DLC1: variants seen among roughly 807,000 people sequenced by gnomAD.
The protein encoded by DLC1 is rho GTPase-activating protein 7.
In DLC1, 54 loss-of-function variants were observed where a neutral mutation model predicts 140.3. The observed-to-expected ratio is 0.38, with a 90% CI of 0.31 to 0.48. The LOEUF (loss-of-function observed/expected upper bound fraction) is 0.48, where lower values mean the gene tolerates loss of function less well. DLC1 is among the 20% of genes least tolerant of loss of function. The pLI is 0.96. For missense variants in DLC1, 2,536 were observed against 1,907.0 expected (o/e 1.33, Z -6.14); for synonymous variants, 986 against 728.1 (o/e 1.35, Z -5.70).
chr8:13,186,523 A>C (rs1332725086), intron 5 of DLC1, among the ~76,000 whole-genome samples: 1 of 152,036 alleles, frequency 6.6e-6, no homozygotes, highest in Admixed American at 6.6e-5. Context: ...TCTTCTCTAC[A>C]CTGTTTATTC....
chr8:13,597,672 G>T (rs41363347), intron 1 of DLC1, among the ~76,000 whole-genome samples: 10,957 of 152,034 alleles, frequency 0.072, 615 homozygotes, highest in Admixed American at 0.18. Flanking sequence ...GGGAGGCACT[G>T]ACCATAATAA....
chr8:13,343,149 C>G (rs191917544), intron 4 of DLC1, among the ~76,000 whole-genome samples: 110 of 152,280 alleles, frequency 7.2e-4, no homozygotes, highest in Non-Finnish European at 4.0e-4. Context: ...GGCTTGGAAG[C>G]TACAAAGAAA....
rs902004877 is a variant in DLC1 at position 13,576,889 on chromosome 8, C to A, written c.-126+27648G>T. Among the ~76,000 whole-genome samples the A allele has an allele frequency of 1.3e-5, 2 of 152,104 alleles. 1 individual carries two copies. The highest frequency in any genetic ancestry group is 2.9e-5 in the Non-Finnish European group (2 of 68,026). On this transcript the variant is annotated intron_variant, in intron 1 of 1. Coordinates refer to the DLC1 transcript ENST00000631382. ...TGTCCCTTTGAAGGTTAAGGCCAAG[C>A]GTGGCTGTTGAAAATGGCACTGAAC...
intron 4 of DLC1, among the ~76,000 whole-genome samples, chr8:13,312,635 T>G (rs2117556413): frequency 6.6e-6 from 1 of 152,040 alleles, no homozygotes; most frequent in East Asian, 1.9e-4. Flanking sequence ...ACATTGCTAA[T>G]AGAAAAAATG....
intron 5 of DLC1, among the ~76,000 whole-genome samples, chr8:13,221,224 C>T (rs1290923185): frequency 6.6e-6 from 1 of 152,142 alleles, no homozygotes; most frequent in Non-Finnish European, 1.5e-5. Context: ...TTAGACACCA[C>T]TGACCCGGAT....
intron 2 of DLC1, among the ~76,000 whole-genome samples, chr8:13,417,629 G>C (rs1393140560): frequency 3.3e-5 from 5 of 151,942 alleles, no homozygotes; most frequent in Non-Finnish European, 5.9e-5. Flanking sequence ...ATTTGTGTTG[G>C]TTCCAAGTCT....
intron 5 of DLC1, among the ~76,000 whole-genome samples, chr8:13,132,137 G>T (rs1822150114): frequency 6.6e-6 from 1 of 152,088 alleles, no homozygotes; most frequent in Non-Finnish European, 1.5e-5. Context: ...GGTCAAGGGG[G>T]TGGGCATCCC....
Position 13,568,065 on chromosome 8 carries a change from C to A in DLC1, c.-126+36472G>T, listed in dbSNP as rs939776976. On this transcript the variant is annotated intron_variant, in intron 1 of 1. Transcript: ENST00000631382. ...CCTTCACAGATTTGAGGACTAAGAACTTTCACTTTTTTTTTCCTATTATAG... is the reference window on the plus strand; with the variant it reads ...CCTTCACAGATTTGAGGACTAAGAAATTTCACTTTTTTTTTCCTATTATAG... 5.8e-6 allele frequency: 7 copies of A among 1,201,610 alleles called. No homozygotes were observed. In the African/African-American group the frequency reaches 9.3e-5, roughly 16 times the overall value. The allele number at this position is 1,201,610 out of a possible 1,614,324, so 74.4% of individuals were successfully genotyped here. A position where few individuals can be genotyped will look rare whatever the true frequency, so the allele number is the denominator to read the frequency against.
rs766937292 is a variant in DLC1 at position 13,499,503 on chromosome 8, C to A, written c.569G>T (p.Ser190Ile). 7 of 1,614,104 alleles carry A rather than the reference C, an allele frequency of 4.3e-6. No individual in the cohort carries two copies. The highest frequency in any genetic ancestry group is 5.1e-6 in the Non-Finnish European group (6 of 1,180,014). ...ERKVTDSISKSLELCNEISLS... is the reference protein window; with the variant it reads ...ERKVTDSISKILELCNEISLS... Reference sequence around the variant, plus strand: ...GCTTATTTCATTGCAAAGCTCCAGGCTTTTACTTATAGAGTCAGTAACTTT... The same window carrying A: ...GCTTATTTCATTGCAAAGCTCCAGGATTTTACTTATAGAGTCAGTAACTTT... The change falls in exon 2 of 18, where the codon AGC becomes ATC. Residue 190 changes from serine (S) to isoleucine (I), a missense_variant. Physicochemically the swap from Ser to Ile is moderately radical, Grantham distance 142 (BLOSUM62 -2). Transcript: ENST00000276297.
intron 4 of DLC1, among the ~76,000 whole-genome samples, chr8:13,309,291 A>G (rs1170343344): frequency 6.6e-6 from 1 of 152,170 alleles, no homozygotes; most frequent in African/African-American, 2.4e-5. Flanking sequence ...ATGACTTCCA[A>G]ATGAAAGGGG....
intron 4 of DLC1, chr8:13,353,295 C>A (rs1253914901): frequency 6.6e-6 from 1 of 152,142 alleles, no homozygotes; most frequent in East Asian, 1.9e-4. Flanking sequence ...CCCTCAACTA[C>A]ATATGTGGCA....
At chr8:13,579,338 T>TAAA (rs1804969567) in intron 1 of DLC1, among the ~76,000 whole-genome samples, 5 of 22,274 alleles carry the variant, frequency 2.2e-4, no homozygotes, top group African/African-American at 7.9e-4. Flanking sequence ...TATATATATA[T>TAAA]ATATATATAT....
chr8:13,452,118 G>A (rs983915486), intron 2 of DLC1, among the ~76,000 whole-genome samples: 1 of 151,460 alleles, frequency 6.6e-6, no homozygotes, highest in Non-Finnish European at 1.5e-5. Flanking sequence ...TATAAAAGAT[G>A]CAATAAAACT....
At chr8:13,237,939 CAAGA>C (rs953663752) in intron 5 of DLC1, among the ~76,000 whole-genome samples, 6 of 149,912 alleles carry the variant, frequency 4.0e-5, no homozygotes, top group African/African-American at 1.2e-4. Context: ...AGAGCAAGAG[CAAGA>C]AAGAAAGAAA....
chr8:13,555,698 C>T (rs1436261797), intron 1 of DLC1, among the ~76,000 whole-genome samples: 4 of 150,868 alleles, frequency 2.7e-5, no homozygotes, highest in African/African-American at 7.3e-5. Flanking sequence ...GACAGGATTT[C>T]ACCATGTTGG....
chr8:13,414,485 G>A (rs1480629625), intron 2 of DLC1, among the ~76,000 whole-genome samples: 2 of 152,060 alleles, frequency 1.3e-5, no homozygotes, highest in South Asian at 2.1e-4. Flanking sequence ...ATGACTCATC[G>A]GGATTGCAGT....
chr8:13,276,407 G>C (rs1223971512), intron 5 of DLC1: 1 of 1,477,112 alleles, frequency 6.8e-7, no homozygotes. Flanking sequence ...CCATCCGCTC[G>C]CAGACGCCTT....
chr8:13,154,273 T>G (rs1824073105), intron 5 of DLC1, among the ~76,000 whole-genome samples: 1 of 152,158 alleles, frequency 6.6e-6, no homozygotes, highest in South Asian at 2.1e-4. Flanking sequence ...TCAGGGAGAC[T>G]CGGGCCTGCG....
chr8:13,334,403 A>G (rs975437192), intron 4 of DLC1, among the ~76,000 whole-genome samples: 7 of 152,154 alleles, frequency 4.6e-5, no homozygotes, highest in Admixed American at 1.3e-4. Flanking sequence ...TTATGTTGGC[A>G]GAAATGGGGA....
Sources: allele counts gnomAD v4.1 joint callset (sites outside exome capture counted in the v4.1 genomes callset), GRCh38; gene constraint gnomAD v4.1.1; transcripts MANE v1.5; gene names NCBI Gene and HGNC (gene_info 2026-07-23, HGNC 2026-07-21).